FYTTD1: variants seen among roughly 807,000 people sequenced by gnomAD.
FYTTD1 encodes UAP56-interacting factor.
A neutral mutation model predicts 40.9 loss-of-function variants in FYTTD1; 22 were observed. The ratio of observed to expected loss-of-function variants is 0.54; its 90% CI spans 0.38 to 0.77. FYTTD1 has a LOEUF of 0.77. FYTTD1 is among the 30% of genes least tolerant of loss of function. FYTTD1 has a pLI of 0.00. For synonymous variants in FYTTD1, 140 were observed against 137.9 expected, an observed-to-expected ratio of 1.01 and a Z score of -0.10; for missense variants, 351 against 392.2, an observed-to-expected ratio of 0.90 and a Z score of 0.89.
chr3:197,770,814 G>T (rs924361583), intron 4 of FYTTD1, among the ~76,000 whole-genome samples: 1 of 152,088 alleles, frequency 6.6e-6, no homozygotes, highest in Non-Finnish European at 1.5e-5. Context: ...CTCCTAAAGT[G>T]CTGGGATTAC....
intron 2 of FYTTD1, among the ~76,000 whole-genome samples, chr3:197,758,290 G>A (rs1338278460): frequency 4.0e-5 from 6 of 151,868 alleles, no homozygotes; most frequent in Admixed American, 1.3e-4. Context: ...ACTGTTGAGA[G>A]TTCATAGAAC....
At chr3:197,760,112 T>C (rs1729333870) in intron 2 of FYTTD1, among the ~76,000 whole-genome samples, 1 of 151,918 alleles carries the variant, frequency 6.6e-6, no homozygotes, top group African/African-American at 2.4e-5. Context: ...GTAGAACGTA[T>C]AGAATGTTCC....
chr3:197,749,849 A>C, upstream of FYTTD1: 2 of 581,014 alleles, frequency 3.4e-6, no homozygotes, highest in Non-Finnish European at 5.6e-6. Flanking sequence ...GCGGGTGGAG[A>C]CCGAGGACGG....
At chr3:197,772,324 GT>G (rs1460429147) in intron 4 of FYTTD1, among the ~76,000 whole-genome samples, 4 of 152,180 alleles carry the variant, frequency 2.6e-5, no homozygotes, top group Non-Finnish European at 4.4e-5. Context: ...CGTTTATATA[GT>G]GTTTCATATT....
intron 4 of FYTTD1, 49 bp downstream of exon 4, chr3:197,770,293 C>A (rs764791947): frequency 8.9e-7 from 1 of 1,128,916 alleles, no homozygotes; most frequent in Non-Finnish European, 1.3e-6. Flanking sequence ...AAAACACTTC[C>A]TGCATTAAGT....
rs1163526800 is a variant in FYTTD1, at chr3:197,782,281, C to T, written c.*372C>T. ...TGTTTTAGACTTTGTCATGGTAAATCCTGGTCTTCATAAACATGAGTAGGT... is the reference window on the plus strand; with the variant it reads ...TGTTTTAGACTTTGTCATGGTAAATTCTGGTCTTCATAAACATGAGTAGGT... On this transcript the variant is annotated 3_prime_UTR_variant, in exon 9 of 9. Transcript: ENST00000241502. 1 of 155,534 alleles carries T rather than the reference C, an allele frequency of 6.4e-6. No individual in the cohort carries two copies. The highest frequency in any genetic ancestry group is 1.4e-5 in the Non-Finnish European group (1 of 70,396). 9.6% of individuals were successfully genotyped at this position (155,534 alleles called of 1,614,324 possible).
At position 197,786,261 on chromosome 3, in the gene FYTTD1, GCC is replaced by G. The variant is rs1306568966; in HGVS notation, c.*4354_*4355del. 1.3e-5 allele frequency: 2 copies of G among 151,926 alleles called. No individual in the cohort carries two copies. The highest frequency in any genetic ancestry group is 4.8e-5 in the African/African-American group (2 of 41,272). The allele number at this position is 151,926 out of a possible 1,614,324, so 9.4% of individuals were successfully genotyped here. On this transcript the variant is annotated 3_prime_UTR_variant, in exon 9 of 9. Transcript: ENST00000241502. The stretch of plus-strand genomic sequence containing the variant: ...CTCCCAAGTGGCTGGGATTACAGGT[GCC>G]CACCACCATGCCCAGTTAATTTTGC...
At chr3:197,768,352 C>A in intron 2 of FYTTD1, 87 bp from the exon 3 acceptor site, 2 of 898,694 alleles carry the variant, frequency 2.2e-6, no homozygotes, top group South Asian at 2.2e-5. Context: ...TTCATAAGTT[C>A]CCCCTTCCTT....
chr3:197,773,412 T>C lies in FYTTD1; in HGVS notation c.507T>C (p.Ile169=). 6.3e-7 allele frequency: 1 copy of C among 1,591,886 alleles called. No homozygotes were observed. Among genetic ancestry groups the C allele is most frequent in the African/African-American group, 1.3e-5 (1 of 74,760 alleles). The change falls in exon 5 of 9, where the codon ATT becomes ATC. Residue 169 remains isoleucine, a synonymous_variant. Transcript: ENST00000241502. Reference sequence around the variant, plus strand: ...TGTGTTTTTGTTGCAGAAATAACATTCCAGCTAATTTTACCAGGAGTGGAA... The same window carrying C: ...TGTGTTTTTGTTGCAGAAATAACATCCCAGCTAATTTTACCAGGAGTGGAA... ...RPSQLSRKNN[I]PANFTRSGNK... is the part of the protein sequence containing the mutation.
At chr3:197,765,007 G>A (rs891800691) in intron 2 of FYTTD1, among the ~76,000 whole-genome samples, 6 of 151,616 alleles carry the variant, frequency 4.0e-5, no homozygotes, top group African/African-American at 7.3e-5. Context: ...GCACCACCAC[G>A]CCTGGTGGCT....
At chr3:197,760,152 T>A (rs1468944228) in intron 2 of FYTTD1, among the ~76,000 whole-genome samples, 5 of 139,332 alleles carry the variant, frequency 3.6e-5, no homozygotes, top group Admixed American at 1.4e-4. Context: ...AGTGTTCCTC[T>A]GTGGTAGAAC....
rs1730153429 is a variant in FYTTD1 at position 197,786,226 on chromosome 3, C to T, written c.*4317C>T. The T allele has an allele frequency of 6.6e-6, 1 of 152,174 alleles. No individual in the cohort carries two copies. The highest frequency in any genetic ancestry group is 1.9e-4 in the East Asian group (1 of 5,182). The allele number at this position is 152,174 out of a possible 1,614,324, so 9.4% of individuals were successfully genotyped here. A position where few individuals can be genotyped will look rare whatever the true frequency, so the allele number is the denominator to read the frequency against. Reference sequence around the variant, plus strand: ...CGCCTCCCGGGTTCAAGCAATTCTCCTGCCTCAGCCTCCCAAGTGGCTGGG... The same window carrying T: ...CGCCTCCCGGGTTCAAGCAATTCTCTTGCCTCAGCCTCCCAAGTGGCTGGG... On this transcript the variant is annotated 3_prime_UTR_variant, in exon 9 of 9. Transcript: ENST00000241502.
At chr3:197,775,759 G>T (rs1364018611) in intron 6 of FYTTD1, among the ~76,000 whole-genome samples, 1 of 152,176 alleles carries the variant, frequency 6.6e-6, no homozygotes, top group African/African-American at 2.4e-5. Context: ...TAGCACAGGG[G>T]TCATGACATT....
chr3:197,777,782 A>G (rs1241013228), intron 7 of FYTTD1, among the ~76,000 whole-genome samples: 1 of 152,056 alleles, frequency 6.6e-6, no homozygotes, highest in African/African-American at 2.4e-5. Flanking sequence ...TGGTGCCACC[A>G]TAGCTCACTG....
intron 7 of FYTTD1, 96 bp downstream of exon 7, chr3:197,777,097 T>G: frequency 1.3e-6 from 1 of 750,358 alleles, no homozygotes; most frequent in East Asian, 2.6e-5. Flanking sequence ...GATGTCCAAG[T>G]TGGGATGAAC....
chr3:197,775,305 A>G (rs1344924542), intron 6 of FYTTD1, among the ~76,000 whole-genome samples: 3 of 152,208 alleles, frequency 2.0e-5, no homozygotes, highest in African/African-American at 7.2e-5. Flanking sequence ...TACTAATTCC[A>G]TCAGTGTGAT....
In FYTTD1 at chr3:197,773,281, AGTT is replaced by A. The variant is rs1331419653; in HGVS notation, c.498-118_498-116del. The A allele has an allele frequency of 1.3e-5, 8 of 618,740 alleles. No homozygotes were observed. The East Asian group carries it at 1.9e-4, about 15-fold the overall frequency. 38.3% of individuals were successfully genotyped at this position (618,740 alleles called of 1,614,324 possible). The stretch of plus-strand genomic sequence containing the variant: ...TCATGTTAATAAGCAAATAATTCAG[AGTT>A]GTTTGTTTCTTGCACCTCATGTTTG... On this transcript the variant is annotated intron_variant, in intron 4 of 8. Coordinates refer to ENST00000241502, the MANE Select transcript of FYTTD1 (RefSeq NM_032288.7).
intron 2 of FYTTD1, among the ~76,000 whole-genome samples, chr3:197,768,018 A>C (rs1383682339): frequency 2.0e-5 from 3 of 152,250 alleles, no homozygotes; most frequent in Non-Finnish European, 4.4e-5. Flanking sequence ...ATATCTTTAA[A>C]ATATTTCACT....
intron 7 of FYTTD1, among the ~76,000 whole-genome samples, 181 bp from the exon 8 acceptor site, chr3:197,778,157 G>T (rs891500550): frequency 1.3e-5 from 2 of 152,214 alleles, no homozygotes; most frequent in Non-Finnish European, 2.9e-5. Flanking sequence ...TATTTAAAGA[G>T]ATATTCTCTG....
Sources: allele counts gnomAD v4.1 joint callset (sites outside exome capture counted in the v4.1 genomes callset), GRCh38; gene constraint gnomAD v4.1.1; transcripts MANE v1.5; gene names NCBI Gene and HGNC (gene_info 2026-07-23, HGNC 2026-07-21).